The following GPC5 variants were observed in gnomAD, a reference collection of about 807,000 sequenced individuals.
The protein encoded by GPC5 is glypican 5.
In GPC5, 47 loss-of-function variants were observed where a neutral mutation model predicts 53.9. The ratio of observed to expected loss-of-function variants is 0.87; its 90% CI spans 0.69 to 1.11. The LOEUF (loss-of-function observed/expected upper bound fraction) is 1.11, where lower values mean the gene tolerates loss of function less well. Ranked by LOEUF, GPC5 falls within the 50% of genes most tolerant of loss-of-function variation. The pLI, the probability that GPC5 is intolerant of heterozygous loss-of-function variation, is 0.00. For missense variants in GPC5, 748 were observed against 713.1 expected, an observed-to-expected ratio of 1.05 and a Z score of -0.56; for synonymous variants, 286 against 263.3, an observed-to-expected ratio of 1.09 and a Z score of -0.84.
chr13:92,772,263 G>A (rs1875642417), intron 7 of GPC5, among the ~76,000 whole-genome samples: 1 of 152,132 alleles, frequency 6.6e-6, no homozygotes. Context: ...GGCAAGGCAT[G>A]ATAATCCTCT....
intron 6 of GPC5, among the ~76,000 whole-genome samples, chr13:91,974,967 A>G (rs559451451): frequency 2.0e-5 from 3 of 152,184 alleles, no homozygotes; most frequent in East Asian, 1.9e-4. Flanking sequence ...ATAATGCCGC[A>G]TATCTACAAC....
rs201915442 is a variant in GPC5 at position 91,428,732 on chromosome 13, A to ATT, written c.164-20029_164-20028insTT. On this transcript the variant is annotated intron_variant, in intron 1 of 7. Transcript: ENST00000377067. ...CTCGAAATTCAAGAAATTTGAAAGG[A>ATT]ATTTTTTTTTTTGTTAATGTGAAGT... Among the ~76,000 whole-genome samples, 164 of 151,800 alleles carry ATT rather than the reference A, an allele frequency of 1.1e-3. No homozygotes were observed. In the Middle Eastern group the frequency reaches 0.024, roughly 22 times the overall value.
chr13:92,272,453 A>G (rs1320543763), intron 7 of GPC5, among the ~76,000 whole-genome samples: 1 of 152,214 alleles, frequency 6.6e-6, no homozygotes, highest in East Asian at 1.9e-4. Context: ...TGATATTTCT[A>G]TTTGAAAGAC....
At chr13:92,186,818 C>A (rs183327968) in intron 7 of GPC5, among the ~76,000 whole-genome samples, 1 of 152,170 alleles carries the variant, frequency 6.6e-6, no homozygotes, top group African/African-American at 2.4e-5. Flanking sequence ...GATCATTATG[C>A]CCACATTACC....
intron 7 of GPC5, among the ~76,000 whole-genome samples, chr13:92,254,806 G>A (rs745838359): frequency 6.6e-6 from 1 of 152,022 alleles, no homozygotes; most frequent in Non-Finnish European, 1.5e-5. Flanking sequence ...AACCCACTCA[G>A]TATCACAAGA....
At chr13:91,753,887 A>T (rs1344959981) in intron 4 of GPC5, among the ~76,000 whole-genome samples, 1 of 152,112 alleles carries the variant, frequency 6.6e-6, no homozygotes, top group Non-Finnish European at 1.5e-5. Context: ...GCACTGTATT[A>T]TCATTGTAGG....
chr13:91,583,388 A>C (rs1236285491), intron 2 of GPC5, among the ~76,000 whole-genome samples: 2 of 152,220 alleles, frequency 1.3e-5, no homozygotes, highest in African/African-American at 2.4e-5. Context: ...TGATTTGAAT[A>C]CACCAATAAT....
chr13:92,320,142 TA>T (rs1159900758), intron 7 of GPC5, among the ~76,000 whole-genome samples: 1 of 152,184 alleles, frequency 6.6e-6, no homozygotes, highest in Non-Finnish European at 1.5e-5. Context: ...ACATTAGGAT[TA>T]AAAGTACTGT....
rs1307474279 is a variant in GPC5 at position 92,850,985 on chromosome 13, A to G, written c.1562-15297A>G. 2.6e-5 allele frequency among the ~76,000 whole-genome samples: 4 copies of G among 152,216 alleles called. No homozygotes were observed. In the East Asian group the frequency reaches 7.7e-4, roughly 29 times the overall value. ...TCATGGTTCTTTAGGCTGTACAGGA[A>G]GCATGGAGGCATCTAGCCCTGGGGA... On this transcript the variant is annotated intron_variant, in intron 7 of 7. Coordinates refer to ENST00000377067, the MANE Select transcript of GPC5 (RefSeq NM_004466.6).
intron 1 of GPC5, among the ~76,000 whole-genome samples, chr13:91,448,010 C>G (rs1451275038): frequency 6.6e-6 from 1 of 152,030 alleles, no homozygotes; most frequent in African/African-American, 2.4e-5. Flanking sequence ...GTCCTGGGTC[C>G]CTACCAGGAT....
intron 6 of GPC5, among the ~76,000 whole-genome samples, chr13:92,121,326 G>C (rs1359875518): frequency 6.6e-6 from 1 of 152,094 alleles, no homozygotes; most frequent in Admixed American, 6.5e-5. Flanking sequence ...CTGCATCTCT[G>C]TTCACCATCA....
At chr13:91,899,870 C>T (rs2039480199) in intron 5 of GPC5, among the ~76,000 whole-genome samples, 1 of 152,064 alleles carries the variant, frequency 6.6e-6, no homozygotes, top group Non-Finnish European at 1.5e-5. Context: ...TTTCAGAGGT[C>T]CAGGCTTCAG....
chr13:91,716,125 A>G (rs1322297113), intron 3 of GPC5, among the ~76,000 whole-genome samples: 2 of 152,092 alleles, frequency 1.3e-5, no homozygotes, highest in African/African-American at 2.4e-5. Context: ...TAAAAACTAT[A>G]TAACATACTA....
At chr13:92,051,266 A>T (rs1014961417) in intron 6 of GPC5, among the ~76,000 whole-genome samples, 2 of 133,110 alleles carry the variant, frequency 1.5e-5, no homozygotes, top group Non-Finnish European at 3.0e-5. Flanking sequence ...CAGTGGCACC[A>T]TCTCGGCTCA....
At chr13:91,940,392 T>C (rs528069285) in intron 6 of GPC5, among the ~76,000 whole-genome samples, 9 of 152,224 alleles carry the variant, frequency 5.9e-5, no homozygotes, top group Admixed American at 3.3e-4. Flanking sequence ...TACAATCCAT[T>C]GTTGATGGGC....
chr13:92,394,230 C>T (rs1875154399), intron 7 of GPC5, among the ~76,000 whole-genome samples: 1 of 152,092 alleles, frequency 6.6e-6, no homozygotes, highest in African/African-American at 2.4e-5. Flanking sequence ...AAATGAAAGC[C>T]TACTAAAATT....
chr13:92,081,623 A>G (rs567372709), intron 6 of GPC5, among the ~76,000 whole-genome samples: 2 of 152,296 alleles, frequency 1.3e-5, no homozygotes, highest in East Asian at 3.9e-4. Flanking sequence ...GCTCTCAGGT[A>G]GAGGAAAGAA....
chr13:92,424,654 T>G (rs1413628202), intron 7 of GPC5, among the ~76,000 whole-genome samples: 2 of 152,092 alleles, frequency 1.3e-5, no homozygotes, highest in Non-Finnish European at 2.9e-5. Flanking sequence ...CTGTATTTTT[T>G]TTTTTAATTC....
chr13:92,807,262 A>T (rs562298062), intron 7 of GPC5, among the ~76,000 whole-genome samples: 1 of 152,260 alleles, frequency 6.6e-6, no homozygotes, highest in African/African-American at 2.4e-5. Context: ...CCAGAATTTA[A>T]TAATCTGAGA....
Sources: gnomAD v4.1 joint callset for allele counts (sites outside exome capture counted in the v4.1 genomes callset) on GRCh38, gnomAD v4.1.1 for gene constraint, MANE v1.5 for transcripts, NCBI Gene and HGNC (gene_info 2026-07-23, HGNC 2026-07-21) for gene names.